SGCD: variants seen among roughly 807,000 people sequenced by gnomAD.
The protein encoded by SGCD is delta-sarcoglycan.
In SGCD, 18 loss-of-function variants were observed where a neutral mutation model predicts 36.6. The ratio of observed to expected loss-of-function variants is 0.49; its 90% CI spans 0.34 to 0.73. The LOEUF is 0.73. SGCD is among the 30% of genes least tolerant of loss of function. The probability of loss-of-function intolerance (pLI) is 0.01; values close to 1 mark genes in which losing one functional copy is unlikely to be tolerated. For missense variants in SGCD, 387 were observed against 346.7 expected (o/e 1.12, Z -0.92); for synonymous variants, 133 against 130.6 (o/e 1.02, Z -0.12).
chr5:156,442,600 TA>T (rs1299862415), intron 3 of SGCD, among the ~76,000 whole-genome samples: 10 of 152,350 alleles, frequency 6.6e-5, no homozygotes, highest in African/African-American at 2.2e-4. Flanking sequence ...TTTGAGCAAA[TA>T]TTTCCATAGG....
intron 2 of SGCD, among the ~76,000 whole-genome samples, chr5:156,333,687 TGTGA>T (rs2127706043): frequency 6.6e-6 from 1 of 151,884 alleles, no homozygotes; most frequent in South Asian, 2.1e-4. Context: ...ATTATATGTC[TGTGA>T]GGATTAAATA....
intron 3 of SGCD, among the ~76,000 whole-genome samples, chr5:156,200,520 T>C (rs1174769099): frequency 2.0e-5 from 3 of 152,074 alleles, no homozygotes; most frequent in African/African-American, 7.2e-5. Context: ...TCAAAATCAA[T>C]TGAAGACCTA....
intron 1 of SGCD, among the ~76,000 whole-genome samples, chr5:156,090,518 G>T (rs1485835218): frequency 6.6e-6 from 1 of 152,068 alleles, no homozygotes; most frequent in African/African-American, 2.4e-5. Flanking sequence ...CAAGGCAAAG[G>T]GCAGAGCAAG....
At chr5:156,200,298 T>C (rs947676738) in intron 3 of SGCD, among the ~76,000 whole-genome samples, 1 of 152,080 alleles carries the variant, frequency 6.6e-6, no homozygotes, top group Non-Finnish European at 1.5e-5. Context: ...GATGTTGTGG[T>C]ACTGGCATAA....
chr5:155,986,976 A>G lies in SGCD; in HGVS notation c.-282+116552A>G, dbSNP rs150770069. Among the ~76,000 whole-genome samples, 340 of 152,278 alleles carry G rather than the reference A, an allele frequency of 2.2e-3. 3 individuals are homozygous for G. Among genetic ancestry groups the G allele is most frequent in the African/African-American group, 7.9e-3 (330 of 41,544 alleles). ...TAGAATTGTTGGCAAAAGGGCTGGA[A>G]ATCATATTTCTCACTTAGGTGCATA... On this transcript the variant is annotated intron_variant, in intron 1 of 9. Coordinates refer to the SGCD transcript ENST00000517913.
intron 7 of SGCD, among the ~76,000 whole-genome samples, chr5:156,752,223 G>T (rs1561896867): frequency 6.6e-6 from 1 of 152,112 alleles, no homozygotes; most frequent in Non-Finnish European, 1.5e-5. Flanking sequence ...ATTGTTTAAG[G>T]ATGCAAATTT....
chr5:155,737,315 C>T, the SGCD span, among the ~76,000 whole-genome samples: 1 of 152,198 alleles, frequency 6.6e-6, no homozygotes, highest in Admixed American at 6.5e-5. Context: ...AACACTTACC[C>T]TTACTATGGG....
chr5:156,630,475 C>T (rs2113529843), intron 6 of SGCD, among the ~76,000 whole-genome samples: 1 of 152,294 alleles, frequency 6.6e-6, no homozygotes, highest in Middle Eastern at 3.4e-3. Flanking sequence ...TACTGTGTGC[C>T]ATGCACTATT....
intron 1 of SGCD, among the ~76,000 whole-genome samples, chr5:156,072,463 C>G (rs1456858456): frequency 6.6e-6 from 1 of 152,012 alleles, no homozygotes; most frequent in Admixed American, 6.6e-5. Flanking sequence ...TTGGCCCCCA[C>G]TCTCTTCTGG....
intron 6 of SGCD, among the ~76,000 whole-genome samples, chr5:156,615,101 C>T (rs1321861684): frequency 6.6e-6 from 1 of 152,140 alleles, no homozygotes; most frequent in African/African-American, 2.4e-5. Context: ...TTTCAGAACA[C>T]ATTTTAAAAG....
intron 1 of SGCD, among the ~76,000 whole-genome samples, chr5:156,070,256 T>A (rs1760501907): frequency 6.6e-6 from 1 of 152,008 alleles, no homozygotes; most frequent in Non-Finnish European, 1.5e-5. Flanking sequence ...AGTATGATAT[T>A]GGCTGTGGGT....
intron 1 of SGCD, among the ~76,000 whole-genome samples, chr5:156,039,629 A>C (rs1049427548): frequency 5.3e-5 from 8 of 152,218 alleles, no homozygotes; most frequent in African/African-American, 1.7e-4. Context: ...GTTAAGGAAA[A>C]GCAACACTTG....
chr5:156,423,583 A>G lies in SGCD; in HGVS notation c.192+78906A>G, dbSNP rs1388616644. Among the ~76,000 whole-genome samples, 7 of 150,812 alleles carry G rather than the reference A, an allele frequency of 4.6e-5. No individual in the cohort carries two copies. In the South Asian group the frequency reaches 1.2e-3, roughly 27 times the overall value. ...ATCATTTCTTGTTTTGAATGTTACA[A>G]TTTGCATCTTGAGAACACTGCCTGA... On this transcript the variant is annotated intron_variant, in intron 3 of 8. Transcript: ENST00000337851.
the SGCD span, among the ~76,000 whole-genome samples, chr5:155,811,916 T>C: frequency 4.7e-5 from 7 of 147,490 alleles, no homozygotes; most frequent in African/African-American, 7.5e-5. Context: ...TACAGTGCAT[T>C]TGTATGTAGA....
At chr5:156,082,469 C>T (rs993670917) in intron 1 of SGCD, among the ~76,000 whole-genome samples, 2 of 152,202 alleles carry the variant, frequency 1.3e-5, no homozygotes, top group South Asian at 4.1e-4. Flanking sequence ...TGTTCTATAA[C>T]TCAAATCATA....
At chr5:155,755,659 AG>A in the SGCD span, among the ~76,000 whole-genome samples, 1 of 149,194 alleles carries the variant, frequency 6.7e-6, no homozygotes, top group Non-Finnish European at 1.5e-5. Context: ...CCCCTGGGGT[AG>A]GCTGGATCCT....
At chr5:156,668,937 C>T (rs1460014504) in intron 7 of SGCD, among the ~76,000 whole-genome samples, 1 of 152,054 alleles carries the variant, frequency 6.6e-6, no homozygotes, top group Non-Finnish European at 1.5e-5. Flanking sequence ...CAAGGTGGTC[C>T]CATACCAGCT....
At chr5:155,814,453 T>C in the SGCD span, among the ~76,000 whole-genome samples, 2 of 152,326 alleles carry the variant, frequency 1.3e-5, no homozygotes, top group South Asian at 2.1e-4. Flanking sequence ...GAATTGAACA[T>C]TTTGATAATT....
intron 6 of SGCD, among the ~76,000 whole-genome samples, chr5:156,606,326 T>A (rs939258348): frequency 7.2e-5 from 11 of 152,230 alleles, no homozygotes; most frequent in African/African-American, 2.7e-4. Context: ...TTCTTCTTTT[T>A]GTCAGGTATG....
Sources: gnomAD v4.1 joint callset for allele counts (sites outside exome capture counted in the v4.1 genomes callset) on GRCh38, gnomAD v4.1.1 for gene constraint, MANE v1.5 for transcripts, NCBI Gene and HGNC (gene_info 2026-07-23, HGNC 2026-07-21) for gene names.